Variants in OR4L1 observed in about 807,000 individuals in gnomAD.
OR4L1 encodes olfactory receptor family 4 subfamily L member 1.
For missense variants in OR4L1, 446 were observed against 368.5 expected, an observed-to-expected ratio of 1.21 and a Z score of -1.72; for synonymous variants, 156 against 135.3, an observed-to-expected ratio of 1.15 and a Z score of -1.06.
In OR4L1 at chr14:20,060,820, T is replaced by G; in HGVS notation, c.776T>G (p.Val259Gly). 6.2e-7 allele frequency: 1 copy of G among 1,612,836 alleles called. No homozygotes were observed. ...LFFGPCIFIY[V>G]WPFSSLASNK... ...TTTGGACCTTGTATTTTTATCTATGTTTGGCCATTCAGTAGTTTGGCAAGC... is the reference window on the plus strand; with the variant it reads ...TTTGGACCTTGTATTTTTATCTATGGTTGGCCATTCAGTAGTTTGGCAAGC... The change falls in exon 1 of 1, where the codon GTT becomes GGT. Residue 259 changes from valine (V) to glycine (G), a missense_variant. By Grantham distance (109) the Val-to-Gly change is moderately radical. Transcript: ENST00000315683.
chr14:20,060,852 A>T lies in OR4L1; in HGVS notation c.808A>T (p.Thr270Ser), dbSNP rs1876730067. The change falls in exon 1 of 1, where the codon ACT (threonine) becomes TCT (serine). Residue 270 changes from threonine to serine, a missense_variant. Transcript: ENST00000315683. ...WPFSSLASNK[T>S]LAVFYTVITP... ...ATTCAGTAGTTTGGCAAGCAATAAA[A>T]CTCTTGCCGTATTTTATACAGTTAT... The T allele has an allele frequency of 1.1e-5, 18 of 1,611,310 alleles. No homozygotes were observed. The highest frequency in any genetic ancestry group is 1.5e-5 in the Non-Finnish European group (18 of 1,178,564).
Position 20,060,565 on chromosome 14 carries a change from T to A in OR4L1, c.521T>A (p.Ile174Lys). ...TTGCCTTTCTGTGGCCACAATGTCA[T>A]AAACAACATATTTTGTGATCTTCCC... ...MNLPFCGHNV[I>K]NNIFCDLPLV... The change falls in exon 1 of 1, where the codon ATA becomes AAA. Residue 174 changes from isoleucine to lysine, a missense_variant. Ile to Lys is a moderately radical substitution (Grantham distance 102). Coordinates refer to ENST00000315683, the MANE Select transcript of OR4L1 (RefSeq NM_001004717.1). 1 of 1,612,450 alleles carries A rather than the reference T, an allele frequency of 6.2e-7. No homozygotes were observed. Among genetic ancestry groups the A allele is most frequent in the Non-Finnish European group, 8.5e-7 (1 of 1,179,142 alleles).
Position 20,060,925 on chromosome 14 carries a change from T to C in OR4L1, c.881T>C (p.Met294Thr), listed in dbSNP as rs1429687337. 2.5e-6 allele frequency: 4 copies of C among 1,581,354 alleles called. No individual in the cohort carries two copies. Among genetic ancestry groups the C allele is most frequent in the East Asian group, 2.2e-5 (1 of 44,594 alleles). The change falls in exon 1 of 1, where the codon ATG becomes ACG. Residue 294 changes from methionine to threonine, a missense_variant. By Grantham distance (81) the Met-to-Thr change is moderately conservative. Transcript: ENST00000315683. ...ATTTATACCCTGAGAAATAAGAAAA[T>C]GCAAGAGGCCATAAGAAAATTACGG... The part of the protein sequence containing the change: ...PSIYTLRNKK[M>T]QEAIRKLRFQ...
Position 20,060,802 on chromosome 14 carries a change from C to A in OR4L1, c.758C>A (p.Pro253His). 1 of 1,611,852 alleles carries A rather than the reference C, an allele frequency of 6.2e-7. No homozygotes were observed. Among genetic ancestry groups the A allele is most frequent in the Non-Finnish European group, 8.5e-7 (1 of 1,179,214 alleles). The change falls in exon 1 of 1, where the codon CCT (proline) becomes CAT (histidine). Residue 253 changes from proline to histidine, a missense_variant. Pro to His is a moderately conservative substitution (Grantham distance 77). Transcript: ENST00000315683. ...ATTGTGGTCACTCTGTTCTTTGGAC[C>A]TTGTATTTTTATCTATGTTTGGCCA... ...HIIVVTLFFG[P>H]CIFIYVWPFS...
rs1335289537 is a variant in OR4L1 at position 20,060,418 on chromosome 14, C to T, written c.374C>T (p.Ala125Val). Residue 125 changes from alanine (A) to valine (V), a missense_variant, in exon 1 of 1, where the codon GCC (alanine) becomes GTC (valine). Ala to Val is a moderately conservative substitution (Grantham distance 64, BLOSUM62 0). Coordinates refer to ENST00000315683, the MANE Select transcript of OR4L1 (RefSeq NM_001004717.1). ...ATCATGGCCTTTGACAGGTATGTAG[C>T]CATATGTAAACCCCTGCACTATAGG... Reference protein sequence around the residue: ...LIIMAFDRYVAICKPLHYRTI... With the variant: ...LIIMAFDRYVVICKPLHYRTI... 6.2e-7 allele frequency: 1 copy of T among 1,611,220 alleles called. No homozygotes were observed. Among genetic ancestry groups the T allele is most frequent in the African/African-American group, 1.3e-5 (1 of 74,764 alleles).
Position 20,060,311 on chromosome 14 carries a change from C to A in OR4L1, c.267C>A (p.His89Gln), listed in dbSNP as rs1206956576. ...TGATCATAGATTTGCTCACTGACCA[C>A]AAGACCATCTCTGTGTGGGGCTGCG... ...PKMIIDLLTD[H>Q]KTISVWGCVT... Residue 89 changes from histidine (H) to glutamine (Q), a missense_variant, in exon 1 of 1, where the codon CAC becomes CAA. By Grantham distance (24) the His-to-Gln change is conservative. Coordinates refer to ENST00000315683, the MANE Select transcript of OR4L1 (RefSeq NM_001004717.1). 1 of 1,596,168 alleles carries A rather than the reference C, an allele frequency of 6.3e-7. No individual in the cohort carries two copies. The highest frequency in any genetic ancestry group is 8.5e-7 in the Non-Finnish European group (1 of 1,172,458).
Position 20,060,841 on chromosome 14 carries a change from C to T in OR4L1, c.797C>T (p.Ala266Val), listed in dbSNP as rs913131919. 4 of 1,612,378 alleles carry T rather than the reference C, an allele frequency of 2.5e-6. No homozygotes were observed. Among genetic ancestry groups the T allele is most frequent in the African/African-American group, 2.7e-5 (2 of 74,832 alleles). The change falls in exon 1 of 1, where the codon GCA (alanine) becomes GTA (valine). Residue 266 changes from alanine to valine, a missense_variant. Transcript: ENST00000315683. The part of the protein sequence containing the change: ...FIYVWPFSSL[A>V]SNKTLAVFYT... ...TATGTTTGGCCATTCAGTAGTTTGG[C>T]AAGCAATAAAACTCTTGCCGTATTT... is the stretch of plus-strand genomic sequence containing the variant.
In OR4L1 at chr14:20,060,138, T is replaced by C. The variant is rs202029589; in HGVS notation, c.94T>C (p.Ser32Pro). The change falls in exon 1 of 1, where the codon TCC becomes CCC. Residue 32 changes from serine to proline, a missense_variant. Transcript: ENST00000315683. ...ELQIFFFVTF[S>P]LIYGATVMGN... Reference sequence around the variant, plus strand: ...TCAAATTTTCTTCTTTGTGACATTTTCCCTGATCTACGGTGCTACTGTGAT... The same window carrying C: ...TCAAATTTTCTTCTTTGTGACATTTCCCCTGATCTACGGTGCTACTGTGAT... 5 of 1,596,538 alleles carry C rather than the reference T, an allele frequency of 3.1e-6. No individual in the cohort carries two copies. In the African/African-American group the frequency reaches 5.4e-5, roughly 17 times the overall value.
Position 20,060,794 on chromosome 14 carries a change from C to T in OR4L1, c.750C>T (p.Phe250=). The change falls in exon 1 of 1, where the codon TTC becomes TTT. Residue 250 remains phenylalanine (F), a synonymous_variant. Coordinates refer to ENST00000315683, the MANE Select transcript of OR4L1 (RefSeq NM_001004717.1). ...LSAHIIVVTL[F]FGPCIFIYVW... ...CCCACATCATTGTGGTCACTCTGTT[C>T]TTTGGACCTTGTATTTTTATCTATG... 3.1e-6 allele frequency: 5 copies of T among 1,612,060 alleles called. No homozygotes were observed. Among genetic ancestry groups the T allele is most frequent in the East Asian group, 2.2e-5 (1 of 44,854 alleles).
chr14:20,060,193 CAT>C lies in OR4L1; in HGVS notation c.150_151del (p.Cys51Ter). On this transcript the variant is annotated frameshift_variant, in exon 1 of 1. Transcript: ENST00000315683. LOFTEE classifies it low-confidence loss of function (END_TRUNC). ...AACATTCTCATTATGGTCACAGTGA[CAT>C]GTAGGTCAACCCTTCATTCTCCCTT... The C allele has an allele frequency of 6.2e-7, 1 of 1,606,420 alleles. No homozygotes were observed. The highest frequency in any genetic ancestry group is 8.5e-7 in the Non-Finnish European group (1 of 1,174,828).
rs1959630 is a variant in OR4L1 at position 20,060,200 on chromosome 14, G to T, written c.156G>T (p.Arg52Ser). ...NILIMVTVTCRSTLHSPLYFL... is the reference protein window; with the variant it reads ...NILIMVTVTCSSTLHSPLYFL... ...TCATTATGGTCACAGTGACATGTAG[G>T]TCAACCCTTCATTCTCCCTTGTACT... Residue 52 changes from arginine (R) to serine (S), a missense_variant, in exon 1 of 1, where the codon AGG (arginine) becomes AGT (serine). Transcript: ENST00000315683. 0.99 allele frequency: 1,599,499 copies of T among 1,607,552 alleles called. 795,989 individuals carry two copies. Among genetic ancestry groups the T allele is most frequent in the East Asian group, 1 (44,803 of 44,804 alleles).
In OR4L1 at chr14:20,060,470, G is replaced by A. The variant is rs1346104906; in HGVS notation, c.426G>A (p.Lys142=). ...CAATCATGAGCCACAAGCTGCTAAA[G>A]GGGTTTGCGATACTTTCATGGATAA... The part of the protein sequence containing the change: ...YRTIMSHKLL[K]GFAILSWIIG... The change falls in exon 1 of 1, where the codon AAG becomes AAA. Residue 142 remains lysine, a synonymous_variant. Transcript: ENST00000315683. 6.2e-7 allele frequency: 1 copy of A among 1,613,808 alleles called. No homozygotes were observed.
chr14:20,060,433 T>C lies in OR4L1; in HGVS notation c.389T>C (p.Leu130Pro). ...AGGTATGTAGCCATATGTAAACCCC[T>C]GCACTATAGGACAATCATGAGCCAC... ...FDRYVAICKPLHYRTIMSHKL... is the reference protein window; with the variant it reads ...FDRYVAICKPPHYRTIMSHKL... The change falls in exon 1 of 1, where the codon CTG becomes CCG. Residue 130 changes from leucine to proline, a missense_variant. Physicochemically the swap from Leu to Pro is moderately conservative, Grantham distance 98 (BLOSUM62 -3). Coordinates refer to ENST00000315683, the MANE Select transcript of OR4L1 (RefSeq NM_001004717.1). The C allele has an allele frequency of 1.2e-6, 2 of 1,613,086 alleles. No homozygotes were observed. Among genetic ancestry groups the C allele is most frequent in the Non-Finnish European group, 8.5e-7 (1 of 1,179,600 alleles).
At position 20,060,103 on chromosome 14, in the gene OR4L1, G is replaced by A. The variant is rs772817849; in HGVS notation, c.59G>A (p.Arg20Gln). 1.1e-5 allele frequency: 18 copies of A among 1,575,762 alleles called. No homozygotes were observed. Among genetic ancestry groups the A allele is most frequent in the East Asian group, 4.5e-5 (2 of 44,380 alleles). Residue 20 changes from arginine to glutamine, a missense_variant, in exon 1 of 1, where the codon CGA becomes CAA. Coordinates refer to ENST00000315683, the MANE Select transcript of OR4L1 (RefSeq NM_001004717.1). ...TEFILLGFFG[R>Q]WELQIFFFVT... is the part of the protein sequence containing the mutation. ...TTTATTTTACTAGGATTTTTTGGAC[G>A]ATGGGAACTTCAAATTTTCTTCTTT...
Position 20,060,272 on chromosome 14 carries a change from C to T in OR4L1, c.228C>T (p.Ala76=). ...LSFLDMCLST[A]TTPKMIIDLL... is the part of the protein sequence containing the mutation. ...TTTTGGACATGTGTCTCTCCACTGC[C>T]ACAACACCCAAGATGATCATAGATT... Residue 76 remains alanine, a synonymous_variant, in exon 1 of 1, where the codon GCC becomes GCT. Coordinates refer to ENST00000315683, the MANE Select transcript of OR4L1 (RefSeq NM_001004717.1). 6.2e-7 allele frequency: 1 copy of T among 1,604,550 alleles called. No individual in the cohort carries two copies. The highest frequency in any genetic ancestry group is 8.5e-7 in the Non-Finnish European group (1 of 1,176,046).
Position 20,060,202 on chromosome 14 carries a change from C to T in OR4L1, c.158C>T (p.Ser53Leu), listed in dbSNP as rs1566538372. ...ILIMVTVTCR[S>L]TLHSPLYFLL... Reference sequence around the variant, plus strand: ...ATTATGGTCACAGTGACATGTAGGTCAACCCTTCATTCTCCCTTGTACTTT... The same window carrying T: ...ATTATGGTCACAGTGACATGTAGGTTAACCCTTCATTCTCCCTTGTACTTT... Residue 53 changes from serine to leucine, a missense_variant, in exon 1 of 1, where the codon TCA (serine) becomes TTA (leucine). Transcript: ENST00000315683. The T allele has an allele frequency of 6.2e-7, 1 of 1,606,504 alleles. No individual in the cohort carries two copies. Among genetic ancestry groups the T allele is most frequent in the Non-Finnish European group, 8.5e-7 (1 of 1,175,296 alleles).
In OR4L1 at chr14:20,060,706, T is replaced by C. The variant is rs1332834291; in HGVS notation, c.662T>C (p.Ile221Thr). Residue 221 changes from isoleucine to threonine, a missense_variant, in exon 1 of 1, where the codon ATC (isoleucine) becomes ACC (threonine). By Grantham distance (89) the Ile-to-Thr change is moderately conservative. Coordinates refer to ENST00000315683, the MANE Select transcript of OR4L1 (RefSeq NM_001004717.1). ...FILLLVSYIV[I>T]LVSVPKKSSH... ...CTCTTGCTTGTTTCTTACATTGTCA[T>C]CCTGGTCAGTGTACCAAAAAAATCA... is the stretch of plus-strand genomic sequence containing the variant. 6.2e-7 allele frequency: 1 copy of C among 1,613,794 alleles called. No homozygotes were observed. The highest frequency in any genetic ancestry group is 1.3e-5 in the African/African-American group (1 of 74,916).
In OR4L1 at chr14:20,060,181, T is replaced by C. The variant is rs770804187; in HGVS notation, c.137T>C (p.Met46Thr). The C allele has an allele frequency of 1.9e-5, 30 of 1,606,292 alleles. No individual in the cohort carries two copies. Among genetic ancestry groups the C allele is most frequent in the Non-Finnish European group, 2.5e-5 (29 of 1,175,012 alleles). Residue 46 changes from methionine to threonine, a missense_variant, in exon 1 of 1, where the codon ATG becomes ACG. Physicochemically the swap from Met to Thr is moderately conservative, Grantham distance 81 (BLOSUM62 -1). Coordinates refer to ENST00000315683, the MANE Select transcript of OR4L1 (RefSeq NM_001004717.1). The stretch of plus-strand genomic sequence containing the variant: ...ACTGTGATGGGAAACATTCTCATTA[T>C]GGTCACAGTGACATGTAGGTCAACC... ...GATVMGNILI[M>T]VTVTCRSTLH...
Position 20,060,134 on chromosome 14 carries a change from AT to A in OR4L1, c.94del (p.Ser32ProfsTer2). On this transcript the variant is annotated frameshift_variant, in exon 1 of 1. Coordinates refer to ENST00000315683, the MANE Select transcript of OR4L1 (RefSeq NM_001004717.1). LOFTEE classifies it low-confidence loss of function (END_TRUNC). ...AACTTCAAATTTTCTTCTTTGTGAC[AT>A]TTTCCCTGATCTACGGTGCTACTGT... ...WELQIFFFVT[F>X]SLIYGATVMG... The A allele has an allele frequency of 1.3e-6, 2 of 1,594,206 alleles. No individual in the cohort carries two copies. The highest frequency in any genetic ancestry group is 1.2e-5 in the South Asian group (1 of 85,880).
Sources: allele counts gnomAD v4.1 joint callset, GRCh38; gene constraint gnomAD v4.1.1; transcripts MANE v1.5; gene names NCBI Gene and HGNC (gene_info 2026-07-23, HGNC 2026-07-21).